PLGRKT: variants seen among roughly 807,000 people sequenced by gnomAD.
PLGRKT encodes the protein plasminogen receptor (KT).
In PLGRKT, 22 loss-of-function variants were observed where a neutral mutation model predicts 18.5. The observed-to-expected ratio is 1.19, with a 90% CI of 0.85 to 1.70. PLGRKT has a LOEUF of 1.70. Among genes scored for constraint, PLGRKT ranks in the 40% most tolerant of loss-of-function variants. The pLI is 0.00. For missense variants in PLGRKT, 235 were observed against 174.4 expected, an observed-to-expected ratio of 1.35 and a Z score of -1.96; for synonymous variants, 72 against 52.8, an observed-to-expected ratio of 1.36 and a Z score of -1.58.
intron 3 of PLGRKT, among the ~76,000 whole-genome samples, chr9:5,414,313 C>G (rs112892565): frequency 2.0e-4 from 31 of 152,238 alleles, no homozygotes; most frequent in African/African-American, 7.2e-4. Context: ...ATTACAGGCA[C>G]CTGCCACCAC....
chr9:5,417,682 G>A (rs1393301000), intron 3 of PLGRKT, among the ~76,000 whole-genome samples: 1 of 150,122 alleles, frequency 6.7e-6, no homozygotes, highest in African/African-American at 2.5e-5. Context: ...TGATGTCTCG[G>A]TTTATTGCTC....
Position 5,392,005 on chromosome 9 carries a change from CT to C in PLGRKT, c.82-30118del, listed in dbSNP as rs376268903. ...AGAAGTTGGTCTGGCCTGGGCAACA[CT>C]AAACTCATCTCTTAGAGCTCTGACA... On this transcript the variant is annotated intron_variant, in intron 3 of 5. Transcript: ENST00000223864. Among the ~76,000 whole-genome samples, 32 of 152,018 alleles carry C rather than the reference CT, an allele frequency of 2.1e-4. No individual in the cohort carries two copies. The East Asian group carries it at 6.0e-3, about 28-fold the overall frequency.
At chr9:5,389,886 A>G (rs565725955) in intron 3 of PLGRKT, among the ~76,000 whole-genome samples, 1 of 152,022 alleles carries the variant, frequency 6.6e-6, no homozygotes, top group South Asian at 2.1e-4. Flanking sequence ...TCCCAGCCAG[A>G]AAGCACATCA....
intron 3 of PLGRKT, among the ~76,000 whole-genome samples, chr9:5,423,480 C>G (rs905456708): frequency 6.6e-6 from 1 of 152,090 alleles, no homozygotes; most frequent in Non-Finnish European, 1.5e-5. Flanking sequence ...TTTATCCTTA[C>G]GTACACTCAG....
At chr9:5,360,028 C>G (rs1478725765) in intron 5 of PLGRKT, among the ~76,000 whole-genome samples, 4 of 152,276 alleles carry the variant, frequency 2.6e-5, no homozygotes, top group Non-Finnish European at 5.9e-5. Flanking sequence ...TATGTTGCAG[C>G]TGATGAGAGA....
chr9:5,361,722 T>G lies in PLGRKT; in HGVS notation c.212+36A>C, dbSNP rs1817268767. On this transcript the variant is annotated intron_variant, in intron 4 of 5. Transcript: ENST00000223864. ...TGGTAATGGAAAACACAAAAAGAAG[T>G]AAATGACTGAAGAAAATGTTAAATA... 4 of 1,579,788 alleles carry G rather than the reference T, an allele frequency of 2.5e-6. No homozygotes were observed. In the African/African-American group the frequency reaches 4.1e-5, roughly 16 times the overall value.
At chr9:5,359,169 T>C (rs1817206067) in intron 5 of PLGRKT, among the ~76,000 whole-genome samples, 1 of 152,066 alleles carries the variant, frequency 6.6e-6, no homozygotes, top group Admixed American at 6.6e-5. Flanking sequence ...TTCAAGTGAT[T>C]CTTGTACCTC....
chr9:5,362,937 A>T (rs1358078757), intron 3 of PLGRKT, among the ~76,000 whole-genome samples: 2 of 152,098 alleles, frequency 1.3e-5, no homozygotes, highest in Non-Finnish European at 2.9e-5. Flanking sequence ...AGCACAGCAG[A>T]AATGGTTTCA....
At chr9:5,432,942 T>C (rs1291690751) in intron 2 of PLGRKT, among the ~76,000 whole-genome samples, 2 of 151,988 alleles carry the variant, frequency 1.3e-5, no homozygotes, top group Non-Finnish European at 2.9e-5. Context: ...GAGCAGCGTC[T>C]CTGCCTGGCC....
chr9:5,394,022 T>C (rs1042507158), intron 3 of PLGRKT, among the ~76,000 whole-genome samples: 7 of 151,732 alleles, frequency 4.6e-5, no homozygotes, highest in African/African-American at 1.7e-4. Context: ...GAAATGACCA[T>C]CTCCCTAGCC....
intron 3 of PLGRKT, among the ~76,000 whole-genome samples, chr9:5,383,618 C>T: frequency 6.6e-6 from 1 of 152,174 alleles, no homozygotes; most frequent in Non-Finnish European, 1.5e-5. Context: ...ACGGTCCCAT[C>T]TAGGGGTGAT....
chr9:5,427,478 GAACA>G (rs1420911805), intron 3 of PLGRKT, among the ~76,000 whole-genome samples: 4 of 151,986 alleles, frequency 2.6e-5, no homozygotes, highest in African/African-American at 7.3e-5. Flanking sequence ...AAGAAGGAGA[GAACA>G]TACACAAAAC....
At chr9:5,360,439 G>C (rs534732224) in intron 5 of PLGRKT, among the ~76,000 whole-genome samples, 56 of 152,290 alleles carry the variant, frequency 3.7e-4, no homozygotes, top group African/African-American at 1.3e-3. Flanking sequence ...AAATGAATGA[G>C]CATGGATGTG....
At chr9:5,434,225 C>T (rs1328874795) in intron 2 of PLGRKT, among the ~76,000 whole-genome samples, 2 of 146,808 alleles carry the variant, frequency 1.4e-5, no homozygotes, top group East Asian at 4.1e-4. Flanking sequence ...CCCAGCCATC[C>T]CGCCTGGGAA....
chr9:5,430,223 C>T (rs1207633878), intron 3 of PLGRKT, among the ~76,000 whole-genome samples: 4 of 151,976 alleles, frequency 2.6e-5, no homozygotes, highest in Non-Finnish European at 4.4e-5. Context: ...AACACGTTAG[C>T]TTGCAAGTAG....
intron 3 of PLGRKT, among the ~76,000 whole-genome samples, chr9:5,405,455 T>C (rs1188442486): frequency 6.6e-6 from 1 of 152,012 alleles, no homozygotes; most frequent in African/African-American, 2.4e-5. Flanking sequence ...GAAATGAAAC[T>C]CATATCTACA....
At chr9:5,409,816 C>A (rs534065017) in intron 3 of PLGRKT, among the ~76,000 whole-genome samples, 68 of 152,344 alleles carry the variant, frequency 4.5e-4, no homozygotes, top group African/African-American at 1.6e-3. Context: ...TTATTTTGGC[C>A]AAATTCTCCT....
At chr9:5,383,880 T>C (rs1029666462) in intron 3 of PLGRKT, among the ~76,000 whole-genome samples, 1 of 152,164 alleles carries the variant, frequency 6.6e-6, no homozygotes, top group African/African-American at 2.4e-5. Flanking sequence ...CTAGAGTTAG[T>C]GGATACAGGT....
At chr9:5,382,265 G>A (rs559065143) in intron 3 of PLGRKT, among the ~76,000 whole-genome samples, 2 of 152,176 alleles carry the variant, frequency 1.3e-5, no homozygotes, top group Non-Finnish European at 2.9e-5. Flanking sequence ...TATTAAAGAA[G>A]AAATTTCAAT....
Sources: allele counts gnomAD v4.1 joint callset (sites outside exome capture counted in the v4.1 genomes callset), GRCh38; gene constraint gnomAD v4.1.1; transcripts MANE v1.5; gene names NCBI Gene and HGNC (gene_info 2026-07-23, HGNC 2026-07-21).